The following BTBD10 variants were observed in gnomAD, a reference collection of about 807,000 sequenced individuals.
BTBD10 encodes BTB domain containing 10.
Under a neutral mutation model 53.2 loss-of-function variants are expected in BTBD10, and 21 were observed. That is an observed-to-expected ratio of 0.39 (90% confidence interval 0.28 to 0.57). The LOEUF is 0.57. Ranked by LOEUF, BTBD10 falls within the 20% of genes least tolerant of loss-of-function variation. The pLI, the probability that BTBD10 is intolerant of heterozygous loss-of-function variation, is 0.53. For synonymous variants in BTBD10, 149 were observed against 192.7 expected, an observed-to-expected ratio of 0.77 and a Z score of 1.88; for missense variants, 360 against 594.7, an observed-to-expected ratio of 0.61 and a Z score of 4.10.
At chr11:13,437,547 T>C (rs1456462567) in intron 2 of BTBD10, among the ~76,000 whole-genome samples, 1 of 152,164 alleles carries the variant, frequency 6.6e-6, no homozygotes, top group Non-Finnish European at 1.5e-5. Flanking sequence ...AAATTAATTA[T>C]CACAATCAGC....
intron 1 of BTBD10, among the ~76,000 whole-genome samples, chr11:13,452,964 C>T (rs1377537563): frequency 6.6e-6 from 1 of 152,046 alleles, no homozygotes; most frequent in Non-Finnish European, 1.5e-5. Flanking sequence ...TTGCTCAGCC[C>T]TTGTTTAATT....
At chr11:13,448,736 C>T (rs1950795229) in intron 1 of BTBD10, among the ~76,000 whole-genome samples, 1 of 152,064 alleles carries the variant, frequency 6.6e-6, no homozygotes, top group East Asian at 1.9e-4. Flanking sequence ...GTAATCAGAA[C>T]GGCCTTCCTA....
intron 1 of BTBD10, chr11:13,462,712 T>C (rs1419822386): frequency 6.6e-6 from 1 of 152,140 alleles, no homozygotes; most frequent in Non-Finnish European, 1.5e-5. Context: ...CACCACCTTA[T>C]CCCCTATTGT....
chr11:13,414,284 G>A (rs1243629429), intron 5 of BTBD10, among the ~76,000 whole-genome samples: 2 of 152,180 alleles, frequency 1.3e-5, no homozygotes, highest in African/African-American at 2.4e-5. Flanking sequence ...TTACTTCAGA[G>A]ATGAGTGATA....
chr11:13,411,057 A>G (rs774392113), intron 6 of BTBD10, among the ~76,000 whole-genome samples: 1 of 152,202 alleles, frequency 6.6e-6, no homozygotes, highest in African/African-American at 2.4e-5. Context: ...ACATAGAGAA[A>G]GGGAAAGACT....
At chr11:13,436,495 G>A (rs1193958004) in intron 2 of BTBD10, among the ~76,000 whole-genome samples, 2 of 152,096 alleles carry the variant, frequency 1.3e-5, no homozygotes, top group Admixed American at 6.5e-5. Flanking sequence ...ACAACAATGC[G>A]AACACTTGGG....
chr11:13,443,485 C>T lies in BTBD10; in HGVS notation c.101+1539G>A, dbSNP rs552145044. Among the ~76,000 whole-genome samples the T allele has an allele frequency of 4.0e-5, 6 of 151,742 alleles. No individual in the cohort carries two copies. The South Asian group carries it at 1.3e-3, about 32-fold the overall frequency. On this transcript the variant is annotated intron_variant, in intron 2 of 8. Transcript: ENST00000278174. ...TATACCTTAGCAATCTGTTTTTCAG[C>T]AGAAAAACAGCAAGAACTAGGATGA... is the stretch of plus-strand genomic sequence containing the variant.
At position 13,405,863 on chromosome 11, in the gene BTBD10, T is replaced by G; in HGVS notation, c.809-7A>C. ...AACTCATGCATTAGGGCACCTGAAA[T>G]GAAATCCACAAAAATATCTTACCAA... On this transcript the variant is annotated splice_polypyrimidine_tract_variant and splice_region_variant and intron_variant, in intron 6 of 8. Coordinates refer to ENST00000278174, the MANE Select transcript of BTBD10 (RefSeq NM_032320.7). 6.2e-7 allele frequency: 1 copy of G among 1,610,964 alleles called. No homozygotes were observed. Among genetic ancestry groups the G allele is most frequent in the African/African-American group, 1.3e-5 (1 of 74,900 alleles).
chr11:13,456,574 GA>G (rs1437702221), intron 1 of BTBD10, among the ~76,000 whole-genome samples: 1 of 151,914 alleles, frequency 6.6e-6, no homozygotes, highest in South Asian at 2.1e-4. Flanking sequence ...AAAAAGCACA[GA>G]AAAAAATAAA....
intron 4 of BTBD10, among the ~76,000 whole-genome samples, chr11:13,418,168 T>C (rs1009102275): frequency 1.4e-4 from 19 of 134,252 alleles, no homozygotes; most frequent in Non-Finnish European, 3.0e-4. Context: ...AACAAAGCTT[T>C]TTCTTTCAAA....
At chr11:13,431,257 C>T (rs1161040730) in intron 2 of BTBD10, among the ~76,000 whole-genome samples, 1 of 151,982 alleles carries the variant, frequency 6.6e-6, no homozygotes, top group Non-Finnish European at 1.5e-5. Flanking sequence ...TCTCAAGAAA[C>T]CAAAAGCACT....
chr11:13,453,781 C>T (rs973592339), intron 1 of BTBD10, among the ~76,000 whole-genome samples: 4 of 152,122 alleles, frequency 2.6e-5, no homozygotes, highest in South Asian at 2.1e-4. Flanking sequence ...AGGCTGGGTG[C>T]GGTGGCTCAC....
rs1404995452 is a variant in BTBD10 at position 13,413,422 on chromosome 11, T to C, written c.808+108A>G. 6.3e-6 allele frequency: 6 copies of C among 945,516 alleles called. No homozygotes were observed. In the East Asian group the frequency reaches 8.5e-5, roughly 13 times the overall value. 58.6% of individuals were successfully genotyped at this position (945,516 alleles called of 1,614,324 possible). On this transcript the variant is annotated intron_variant, in intron 6 of 8. Coordinates refer to ENST00000278174, the MANE Select transcript of BTBD10 (RefSeq NM_032320.7). ...TTGTGGTACTAGAATGCTTTATAAT[T>C]GAATTAAATACTTTAAGTCTAACTA...
In BTBD10 at chr11:13,446,103, T is replaced by C. The variant is rs144199162; in HGVS notation, c.-57-922A>G. 3.2e-3 allele frequency among the ~76,000 whole-genome samples: 491 copies of C among 152,268 alleles called. 4 individuals carry two copies. Among genetic ancestry groups the C allele is most frequent in the African/African-American group, 0.011 (446 of 41,570 alleles). ...AAGTATTTGTTTGGAAATAGATGAT[T>C]TGACTTTCAGAAATTGCAGACACCA... On this transcript the variant is annotated intron_variant, in intron 1 of 8. Coordinates refer to ENST00000278174, the MANE Select transcript of BTBD10 (RefSeq NM_032320.7).
At chr11:13,439,196 A>G (rs1950601239) in intron 2 of BTBD10, among the ~76,000 whole-genome samples, 1 of 152,118 alleles carries the variant, frequency 6.6e-6, no homozygotes. Context: ...CCATTAGTCA[A>G]AATGTTTTAA....
chr11:13,414,231 A>C (rs1458972477), intron 5 of BTBD10, among the ~76,000 whole-genome samples: 1 of 152,194 alleles, frequency 6.6e-6, no homozygotes, highest in Non-Finnish European at 1.5e-5. Flanking sequence ...TCCAAAATCC[A>C]CTTAGTAAGT....
chr11:13,427,927 G>T (rs539631965), intron 2 of BTBD10, among the ~76,000 whole-genome samples: 1 of 151,976 alleles, frequency 6.6e-6, no homozygotes, highest in Non-Finnish European at 1.5e-5. Context: ...TGAACTAAAA[G>T]AAAGTGGAAA....
chr11:13,427,193 G>A (rs1421156221), intron 2 of BTBD10, among the ~76,000 whole-genome samples: 1 of 151,622 alleles, frequency 6.6e-6, no homozygotes, highest in South Asian at 2.1e-4. Context: ...CTACAGCCTG[G>A]GCAACAGAGG....
At chr11:13,447,332 C>T (rs1950768908) in intron 1 of BTBD10, among the ~76,000 whole-genome samples, 1 of 152,166 alleles carries the variant, frequency 6.6e-6, no homozygotes, top group Non-Finnish European at 1.5e-5. Flanking sequence ...TCATAACTCA[C>T]TGCAGTCTCC....
Sources: gnomAD v4.1 joint callset for allele counts (sites outside exome capture counted in the v4.1 genomes callset) on GRCh38, gnomAD v4.1.1 for gene constraint, MANE v1.5 for transcripts, NCBI Gene and HGNC (gene_info 2026-07-23, HGNC 2026-07-21) for gene names.